NCAPH: variants seen among roughly 807,000 people sequenced by gnomAD.
The protein encoded by NCAPH is non-SMC condensin I complex subunit H.
NCAPH carries 38 observed loss-of-function variants against 85.5 expected under a neutral mutation model. That is an observed-to-expected ratio of 0.44 (90% CI 0.34 to 0.58). The LOEUF (loss-of-function observed/expected upper bound fraction) is 0.58. NCAPH is among the 20% of genes least tolerant of loss of function. The pLI, the probability that NCAPH is intolerant of heterozygous loss-of-function variation, is 0.01. For missense variants in NCAPH, 789 were observed against 916.6 expected (o/e 0.86, Z 1.80); for synonymous variants, 301 against 335.1 (o/e 0.90, Z 1.11).
Position 96,352,149 on chromosome 2 carries a change from G to A in NCAPH, c.910+129G>A, listed in dbSNP as rs183714298. ...ATTACCCAGAAGTTTCCTCTGGAAT[G>A]CCAAATTGTGTATCCTTTTGGGAGT... On this transcript the variant is annotated intron_variant, in intron 7 of 17. Coordinates refer to ENST00000240423, the MANE Select transcript of NCAPH (RefSeq NM_015341.5). 6 of 925,456 alleles carry A rather than the reference G, an allele frequency of 6.5e-6. No individual in the cohort carries two copies. In the African/African-American group the frequency reaches 8.3e-5, roughly 13 times the overall value. 57.3% of individuals were successfully genotyped at this position (925,456 alleles called of 1,614,324 possible).
rs780989160 is a variant in NCAPH, at chr2:96,360,596, T to C, written c.1473T>C (p.Thr491=). The change falls in exon 12 of 18, where the codon ACT becomes ACC. Residue 491 remains threonine (T), a synonymous_variant. Transcript: ENST00000240423. Reference sequence around the variant, plus strand: ...TTTAAAAAAATTAATAGGCTGCTACTATTCTGACCAAGTCCACTTTGGAGA... The same window carrying C: ...TTTAAAAAAATTAATAGGCTGCTACCATTCTGACCAAGTCCACTTTGGAGA... ...DVYFRKTKAA[T]ILTKSTLENQ... is the part of the protein sequence containing the mutation. 1.2e-6 allele frequency: 2 copies of C among 1,614,136 alleles called. No individual in the cohort carries two copies. The highest frequency in any genetic ancestry group is 1.7e-6 in the Non-Finnish European group (2 of 1,179,996).
Position 96,373,286 on chromosome 2 carries a change from C to G in NCAPH, c.2167-6C>G. On this transcript the variant is annotated splice_polypyrimidine_tract_variant and splice_region_variant and intron_variant, in intron 17 of 17. Coordinates refer to ENST00000240423, the MANE Select transcript of NCAPH (RefSeq NM_015341.5). The stretch of plus-strand genomic sequence containing the variant: ...AAAGTCCATGCATGTTTTGGTCTTC[C>G]CTCAGAATCTAAAACTGGAAGGAAC... 6.2e-7 allele frequency: 1 copy of G among 1,613,060 alleles called. No individual in the cohort carries two copies. Among genetic ancestry groups the G allele is most frequent in the Non-Finnish European group, 8.5e-7 (1 of 1,179,278 alleles).
chr2:96,344,950 A>G (rs1315432385), intron 6 of NCAPH, among the ~76,000 whole-genome samples: 1 of 152,224 alleles, frequency 6.6e-6, no homozygotes, highest in Non-Finnish European at 1.5e-5. Flanking sequence ...TTGCCCTCAA[A>G]AAAAGGTACT....
chr2:96,367,011 G>A (rs568938994), intron 14 of NCAPH, among the ~76,000 whole-genome samples: 144 of 151,686 alleles, frequency 9.5e-4, no homozygotes, highest in Non-Finnish European at 1.6e-3. Flanking sequence ...CTGGAGAATC[G>A]CTTGAACCCA....
intron 6 of NCAPH, among the ~76,000 whole-genome samples, chr2:96,348,270 A>G (rs1349250740): frequency 6.6e-6 from 1 of 150,784 alleles, no homozygotes; most frequent in Non-Finnish European, 1.5e-5. Flanking sequence ...GCTCACTGCA[A>G]GCTCCACCTC....
intron 6 of NCAPH, among the ~76,000 whole-genome samples, chr2:96,350,328 G>A (rs1330788960): frequency 1.3e-5 from 2 of 152,168 alleles, no homozygotes. Context: ...CAGCTTTAAT[G>A]TGGGTCAGTG....
At chr2:96,342,937 C>T in intron 4 of NCAPH, 89 bp downstream of exon 4, 1 of 1,229,374 alleles carries the variant, frequency 8.1e-7, no homozygotes, top group Non-Finnish European at 1.2e-6. Context: ...GCTGCAAATA[C>T]ATGAGAGACT....
At chr2:96,368,591 A>C (rs2064730294) in intron 15 of NCAPH, among the ~76,000 whole-genome samples, 1 of 152,110 alleles carries the variant, frequency 6.6e-6, no homozygotes, top group Admixed American at 6.5e-5. Context: ...CGGGAGGTGG[A>C]GCTTGCAGTG....
intron 5 of NCAPH, 122 bp from the exon 6 acceptor site, chr2:96,343,983 T>G: frequency 7.8e-7 from 1 of 1,289,008 alleles, no homozygotes; most frequent in Non-Finnish European, 1.1e-6. Context: ...ATTACAGGCA[T>G]GAGCCACCAC....
At position 96,373,455 on chromosome 2, in the gene NCAPH, G is replaced by T; in HGVS notation, c.*104G>T. The T allele has an allele frequency of 2.8e-6, 3 of 1,065,004 alleles. No homozygotes were observed. In the Middle Eastern group the frequency reaches 6.5e-4, roughly 230 times the overall value. 66.0% of individuals were successfully genotyped at this position (1,065,004 alleles called of 1,614,324 possible). On this transcript the variant is annotated 3_prime_UTR_variant, in exon 18 of 18. Coordinates refer to ENST00000240423, the MANE Select transcript of NCAPH (RefSeq NM_015341.5). Reference sequence around the variant, plus strand: ...GATGCCATGGGCTTATACCCAGGCTGTAGCCAACTACCAACGTGCCTGTTT... The same window carrying T: ...GATGCCATGGGCTTATACCCAGGCTTTAGCCAACTACCAACGTGCCTGTTT...
In NCAPH at chr2:96,374,191, A is replaced by G. The variant is rs921683781; in HGVS notation, c.*840A>G. On this transcript the variant is annotated 3_prime_UTR_variant, in exon 18 of 18. Coordinates refer to ENST00000240423, the MANE Select transcript of NCAPH (RefSeq NM_015341.5). ...GACACCCAAGGTAGAGGAACTTGCAAAAGGGCAGCCGGCAAACTGTCAGGG... is the reference window on the plus strand; with the variant it reads ...GACACCCAAGGTAGAGGAACTTGCAGAAGGGCAGCCGGCAAACTGTCAGGG... Among the ~76,000 whole-genome samples, 3 of 152,180 alleles carry G rather than the reference A, an allele frequency of 2.0e-5. No individual in the cohort carries two copies. Among genetic ancestry groups the G allele is most frequent in the African/African-American group, 4.8e-5 (2 of 41,440 alleles).
Position 96,335,825 on chromosome 2 carries a change from G to T in NCAPH, c.-5G>T. ...TAAAACCAGCTCAGGAGACGCCAAG[G>T]AAAGATGGGACCTCCCGGCCCAGGT... On this transcript the variant is annotated 5_prime_UTR_variant, in exon 1 of 18. Coordinates refer to ENST00000240423, the MANE Select transcript of NCAPH (RefSeq NM_015341.5). 6.7e-7 allele frequency: 1 copy of T among 1,497,498 alleles called. No individual in the cohort carries two copies. Among genetic ancestry groups the T allele is most frequent in the Non-Finnish European group, 8.9e-7 (1 of 1,126,472 alleles). 92.8% of individuals were successfully genotyped at this position (1,497,498 alleles called of 1,614,324 possible).
intron 17 of NCAPH, among the ~76,000 whole-genome samples, chr2:96,372,306 G>T (rs1046461003): frequency 1.3e-5 from 2 of 152,128 alleles, no homozygotes; most frequent in Non-Finnish European, 2.9e-5. Context: ...GGTAGTTGAG[G>T]GGTGCCTGGA....
chr2:96,357,275 TAGA>T (rs750540906), intron 9 of NCAPH, among the ~76,000 whole-genome samples: 92 of 152,238 alleles, frequency 6.0e-4, no homozygotes, highest in Non-Finnish European at 1.1e-3. Flanking sequence ...GGGGAGGGGA[TAGA>T]AGAAATACAG....
At position 96,351,854 on chromosome 2, in the gene NCAPH, A is replaced by G. The variant is rs558335702; in HGVS notation, c.744A>G (p.Thr248=). ...KCEIDPMFQK[T]AASFDECSTA... is the part of the protein sequence containing the mutation. Reference sequence around the variant, plus strand: ...AGATTGATCCCATGTTTCAGAAGACAGCAGCCTCATTTGATGAGTGCAGCA... The same window carrying G: ...AGATTGATCCCATGTTTCAGAAGACGGCAGCCTCATTTGATGAGTGCAGCA... The change falls in exon 7 of 18, where the codon ACA becomes ACG. Residue 248 remains threonine, a synonymous_variant. Coordinates refer to ENST00000240423, the MANE Select transcript of NCAPH (RefSeq NM_015341.5). 6.2e-7 allele frequency: 1 copy of G among 1,605,958 alleles called. No homozygotes were observed. Among genetic ancestry groups the G allele is most frequent in the Admixed American group, 1.7e-5 (1 of 57,844 alleles).
At position 96,367,372 on chromosome 2, in the gene NCAPH, A is replaced by T; in HGVS notation, c.1997A>T (p.Glu666Val). The T allele has an allele frequency of 6.2e-7, 1 of 1,609,016 alleles. No individual in the cohort carries two copies. Among genetic ancestry groups the T allele is most frequent in the Non-Finnish European group, 8.5e-7 (1 of 1,175,626 alleles). Reference sequence around the variant, plus strand: ...CTCTCCGGAAAGGAGGCAGATGCAGAGGTCAGATGCTCTTGCCTGTTCTCT... The same window carrying T: ...CTCTCCGGAAAGGAGGCAGATGCAGTGGTCAGATGCTCTTGCCTGTTCTCT... ...TALSGKEADA[E>V]ANHREAGKEA... The change falls in exon 15 of 18, where the codon GAG becomes GTG. Residue 666 changes from glutamate (E) to valine (V), a missense_variant and splice_region_variant. Glu to Val is a moderately radical substitution (Grantham distance 121, BLOSUM62 -2). Transcript: ENST00000240423.
chr2:96,367,112 A>G lies in NCAPH; in HGVS notation c.1882-145A>G, dbSNP rs1223394836. 6 of 549,714 alleles carry G rather than the reference A, an allele frequency of 1.1e-5. No homozygotes were observed. The East Asian group carries it at 2.1e-4, about 19-fold the overall frequency. 34.1% of individuals were successfully genotyped at this position (549,714 alleles called of 1,614,324 possible). A position where few individuals can be genotyped will look rare whatever the true frequency, so the allele number is the denominator to read the frequency against. ...ACTCTGTCTCAAAACAAACAAACAA[A>G]CAAACAAAACAAGAGAGCTCTGTAG... is the stretch of plus-strand genomic sequence containing the variant. On this transcript the variant is annotated intron_variant, in intron 14 of 17. Coordinates refer to ENST00000240423, the MANE Select transcript of NCAPH (RefSeq NM_015341.5).
intron 2 of NCAPH, 41 bp from the exon 3 acceptor site, chr2:96,342,009 T>C (rs368585175): frequency 1.2e-6 from 2 of 1,604,336 alleles, no homozygotes; most frequent in Non-Finnish European, 1.7e-6. Context: ...TAAACTATCA[T>C]GGATTCTTGC....
At chr2:96,348,839 G>A (rs1379741573) in intron 6 of NCAPH, among the ~76,000 whole-genome samples, 1 of 151,896 alleles carries the variant, frequency 6.6e-6, no homozygotes, top group East Asian at 1.9e-4. Context: ...TAGTAGAGAT[G>A]GGGTTTCACC....
Sources: allele counts gnomAD v4.1 joint callset (sites outside exome capture counted in the v4.1 genomes callset), GRCh38; gene constraint gnomAD v4.1.1; transcripts MANE v1.5; gene names NCBI Gene and HGNC (gene_info 2026-07-23, HGNC 2026-07-21).